PTPRF: variants seen among roughly 807,000 people sequenced by gnomAD.
PTPRF encodes the protein protein tyrosine phosphatase receptor type F.
A neutral mutation model predicts 201.8 loss-of-function variants in PTPRF; 59 were observed. The ratio of observed to expected loss-of-function variants is 0.29; its 90% confidence interval spans 0.24 to 0.36. The LOEUF (loss-of-function observed/expected upper bound fraction) is 0.36, where lower values mean the gene tolerates loss of function less well. Ranked by LOEUF, PTPRF falls within the 10% of genes least tolerant of loss-of-function variation. The probability of loss-of-function intolerance (pLI) is 1.00; values close to 1 mark genes in which losing one functional copy is unlikely to be tolerated. For synonymous variants in PTPRF, 1,088 were observed against 1,089.7 expected (o/e 1.00, Z 0.03); for missense variants, 2,132 against 2,690.5 (o/e 0.79, Z 4.59).
chr1:43,573,377 A>T (rs1004328634), intron 6 of PTPRF, among the ~76,000 whole-genome samples: 27 of 152,118 alleles, frequency 1.8e-4, no homozygotes, highest in African/African-American at 6.3e-4. Context: ...GGACAGCCTA[A>T]CTCACTAAGT....
intron 19 of PTPRF, 109 bp from the exon 20 acceptor site, chr1:43,606,131 G>A: frequency 1.6e-6 from 2 of 1,254,858 alleles, no homozygotes; most frequent in Non-Finnish European, 2.2e-6. Context: ...CTCTGACACG[G>A]AAGGTGAGCC....
intron 23 of PTPRF, 98 bp downstream of exon 23, chr1:43,613,813 G>C: frequency 1.8e-6 from 2 of 1,084,996 alleles, no homozygotes; most frequent in South Asian, 1.3e-5. Context: ...TGAGGAAGCA[G>C]GGGTCCAGCT....
chr1:43,561,320 C>A (rs1486155280), intron 5 of PTPRF, among the ~76,000 whole-genome samples: 1 of 152,196 alleles, frequency 6.6e-6, no homozygotes, highest in Non-Finnish European at 1.5e-5. Flanking sequence ...TGCTCCACCT[C>A]CTTCCCTGCT....
intron 5 of PTPRF, among the ~76,000 whole-genome samples, chr1:43,562,862 G>A (rs1475925095): frequency 2.0e-5 from 3 of 152,092 alleles, no homozygotes; most frequent in Non-Finnish European, 4.4e-5. Context: ...GGTAGGGGAA[G>A]ATAGGGGAGC....
At chr1:43,617,675 C>T (rs1658199858) in intron 24 of PTPRF, 61 bp from the exon 25 acceptor site, 1 of 1,599,708 alleles carries the variant, frequency 6.3e-7, no homozygotes. Flanking sequence ...TGCACTGAGG[C>T]ATGGTGGGCT....
chr1:43,547,116 T>C (rs1644730111), intron 3 of PTPRF, among the ~76,000 whole-genome samples: 1 of 151,772 alleles, frequency 6.6e-6, no homozygotes. Context: ...GCCCCCAGGG[T>C]CGTAACCCTT....
In PTPRF at chr1:43,554,579, T is replaced by A. The variant is rs1645228984; in HGVS notation, c.379+638T>A. On this transcript the variant is annotated intron_variant, in intron 5 of 33. Coordinates refer to ENST00000359947, the MANE Select transcript of PTPRF (RefSeq NM_002840.5). The surrounding 1 kb of genome is among the most constrained non-coding windows in gnomAD (Gnocchi z 4.1). ...GATGGAGCTTTCAGAGAGCTCTGAG[T>A]AGTTCAATTTGGGTTTTCTGGAGGG... 1.3e-5 allele frequency among the ~76,000 whole-genome samples: 2 copies of A among 151,706 alleles called. No individual in the cohort carries two copies. Among genetic ancestry groups the A allele is most frequent in the Admixed American group, 6.6e-5 (1 of 15,232 alleles).
intron 22 of PTPRF, among the ~76,000 whole-genome samples, chr1:43,611,108 G>T (rs923343413): frequency 6.6e-6 from 1 of 152,210 alleles, no homozygotes; most frequent in Non-Finnish European, 1.5e-5. Flanking sequence ...TCTGAGCCTT[G>T]CTGTGGCTGT....
At chr1:43,572,563 T>G (rs1646647482) in intron 6 of PTPRF, among the ~76,000 whole-genome samples, 1 of 152,208 alleles carries the variant, frequency 6.6e-6, no homozygotes, top group South Asian at 2.1e-4. Context: ...GTTGCTGGCC[T>G]TATCCCATTA....
chr1:43,548,205 C>T (rs1201759751), intron 3 of PTPRF, among the ~76,000 whole-genome samples: 1 of 152,072 alleles, frequency 6.6e-6, no homozygotes, highest in East Asian at 1.9e-4. Context: ...GGGAGAGCCA[C>T]AGTGAGAACC....
chr1:43,531,671 C>A (rs554237314), intron 1 of PTPRF, among the ~76,000 whole-genome samples: 4 of 151,952 alleles, frequency 2.6e-5, no homozygotes, highest in African/African-American at 9.6e-5. Flanking sequence ...GTTTGAAGCC[C>A]CCCCACCCCC....
At chr1:43,555,695 TG>T (rs1459650168) in intron 5 of PTPRF, among the ~76,000 whole-genome samples, 2 of 151,998 alleles carry the variant, frequency 1.3e-5, no homozygotes, top group Non-Finnish European at 2.9e-5. Flanking sequence ...CCGCCCACCT[TG>T]GCCTCCCAAA....
At chr1:43,589,291 C>T (rs187219301) in intron 8 of PTPRF, among the ~76,000 whole-genome samples, 283 of 152,026 alleles carry the variant, frequency 1.9e-3, no homozygotes, top group Middle Eastern at 3.4e-3. Flanking sequence ...GATAGGTGCT[C>T]TTATTATTTC....
chr1:43,613,423 G>A lies in PTPRF; in HGVS notation c.3974-195G>A, dbSNP rs930235274. ...CCAAAACAGGCTCCACATGCTCATG[G>A]CACAACACCGCCCTCTGTCCTCTCC... On this transcript the variant is annotated intron_variant, in intron 22 of 33. Transcript: ENST00000359947. 11 of 578,906 alleles carry A rather than the reference G, an allele frequency of 1.9e-5. 1 individual carries two copies. In the East Asian group the frequency reaches 3.1e-4, roughly 16 times the overall value. The allele number at this position is 578,906 out of a possible 1,614,324, so 35.9% of individuals were successfully genotyped here.
intron 5 of PTPRF, among the ~76,000 whole-genome samples, chr1:43,558,765 G>A (rs1305053294): frequency 6.6e-6 from 1 of 152,206 alleles, no homozygotes; most frequent in African/African-American, 2.4e-5. Flanking sequence ...CCCTGGGGGA[G>A]GGGAGGGAGG....
chr1:43,562,467 G>A (rs965115840), intron 5 of PTPRF, among the ~76,000 whole-genome samples: 3 of 151,870 alleles, frequency 2.0e-5, no homozygotes, highest in South Asian at 2.1e-4. Flanking sequence ...GTGCAGTGGC[G>A]TGATCTCGGC....
At chr1:43,552,310 T>G (rs1645088577) in intron 3 of PTPRF, among the ~76,000 whole-genome samples, 1 of 152,160 alleles carries the variant, frequency 6.6e-6, no homozygotes, top group Non-Finnish European at 1.5e-5. Flanking sequence ...GTGAACTGTT[T>G]TGTACCAGGT....
intron 5 of PTPRF, among the ~76,000 whole-genome samples, chr1:43,555,185 G>A (rs1309697181): frequency 2.0e-5 from 3 of 151,958 alleles, no homozygotes; most frequent in East Asian, 1.9e-4. Flanking sequence ...ATGTGATGTC[G>A]ATACCTGTTC....
At position 43,591,448 on chromosome 1, in the gene PTPRF, G is replaced by A. The variant is rs1412636837; in HGVS notation, c.1426G>A (p.Gly476Ser). 9 of 1,592,994 alleles carry A rather than the reference G, an allele frequency of 5.6e-6. No individual in the cohort carries two copies. Among genetic ancestry groups the A allele is most frequent in the Non-Finnish European group, 6.0e-6 (7 of 1,172,310 alleles). ...NTDAGLLTTV[G>S]SLLPGITYSL... Reference sequence around the variant, plus strand: ...CGACGCGGGGCTCCTCACGACCGTGGGCAGCCTGCTGCCTGGCATCACCTA... The same window carrying A: ...CGACGCGGGGCTCCTCACGACCGTGAGCAGCCTGCTGCCTGGCATCACCTA... The change falls in exon 9 of 34, where the codon GGC (glycine) becomes AGC (serine). Residue 476 changes from glycine to serine, a missense_variant. Physicochemically the swap from Gly to Ser is moderately conservative, Grantham distance 56 (BLOSUM62 0). Coordinates refer to ENST00000359947, the MANE Select transcript of PTPRF (RefSeq NM_002840.5).
Sources: gnomAD v4.1 joint callset for allele counts (sites outside exome capture counted in the v4.1 genomes callset) on GRCh38, gnomAD v4.1.1 for gene constraint, Gnocchi (gnomAD v3.1) non-coding constraint, MANE v1.5 for transcripts, NCBI Gene and HGNC (gene_info 2026-07-23, HGNC 2026-07-21) for gene names.